Variants in OFD1 observed in about 807,000 individuals in gnomAD.
The protein encoded by OFD1 is OFD1 centriole and centriolar satellite protein.
Under a neutral mutation model 81.4 loss-of-function variants are expected in OFD1, and 12 were observed. The observed-to-expected ratio is 0.15, with a 90% confidence interval of 0.09 to 0.24. The LOEUF (loss-of-function observed/expected upper bound fraction) is 0.24. Ranked by LOEUF, OFD1 falls within the 10% of genes least tolerant of loss-of-function variation. OFD1 has a pLI of 1.00. For missense variants in OFD1, 685 were observed against 733.9 expected (o/e 0.93, Z 0.77); for synonymous variants, 256 against 263.7 (o/e 0.97, Z 0.28).
At chrX:13,725,372 C>T in the OFD1 span, among the ~76,000 whole-genome samples, 21 of 111,960 alleles carry the variant, frequency 1.9e-4, no homozygotes, top group Admixed American at 1.2e-3. Flanking sequence ...CTCATATAGG[C>T]GGGTGCCCCT....
At chrX:13,721,673 C>T in the OFD1 span, 1 of 110,225 alleles carries the variant, frequency 9.1e-6, no homozygotes, top group South Asian at 3.8e-4. Flanking sequence ...AATCAAGGCA[C>T]AGCTGGCACT....
At chrX:13,744,757 C>T (rs1447656156) in intron 6 of OFD1, among the ~76,000 whole-genome samples, 1 of 112,008 alleles carries the variant, frequency 8.9e-6, no homozygotes, top group Non-Finnish European at 1.9e-5. Context: ...ATTCAAAGGC[C>T]CATATTCTTC....
chrX:13,751,131 C>T, intron 9 of OFD1, 118 bp from the exon 10 acceptor site: 3 of 644,898 alleles, frequency 4.7e-6, no homozygotes, highest in Non-Finnish European at 7.3e-6. Flanking sequence ...TTCTACTTCC[C>T]AGTAGTGATA....
At chrX:13,729,666 T>C in the OFD1 span, among the ~76,000 whole-genome samples, 1 of 111,880 alleles carries the variant, frequency 8.9e-6, no homozygotes, top group Non-Finnish European at 1.9e-5. Flanking sequence ...CCCGGCACTT[T>C]GGGAGGCTGA....
At position 13,753,453 on chromosome X, in the gene OFD1, G is replaced by C. The variant is rs1475647646; in HGVS notation, c.1129+12G>C. 8.3e-7 allele frequency: 1 copy of C among 1,207,108 alleles called. No homozygotes were observed. Among genetic ancestry groups the C allele is most frequent in the Admixed American group, 2.2e-5 (1 of 45,976 alleles). On this transcript the variant is annotated intron_variant, in intron 11 of 22. Transcript: ENST00000340096. ...AAGGAAGAATAAAGGTGATGTTTGG[G>C]GGGAAAATAAGCTGTATTTTTCAGT...
At chrX:13,754,175 G>T (rs1437158807) in intron 11 of OFD1, among the ~76,000 whole-genome samples, 4 of 110,699 alleles carry the variant, frequency 3.6e-5, no homozygotes, top group African/African-American at 1.3e-4. Context: ...TAGAGGCGGG[G>T]TCTCAGCGTG....
At chrX:13,768,291 T>C in intron 21 of OFD1, 67 bp downstream of exon 21, 1 of 848,180 alleles carries the variant, frequency 1.2e-6, no homozygotes, top group African/African-American at 2.0e-5. Context: ...GCTTAACTTC[T>C]TGGGACGGGA....
At position 13,767,136 on chromosome X, in the gene OFD1, A is replaced by G. The variant is rs758641332; in HGVS notation, c.2609A>G (p.Gln870Arg). The G allele has an allele frequency of 3.5e-6, 4 of 1,154,851 alleles. No homozygotes were observed. The East Asian group carries it at 9.4e-5, about 27-fold the overall frequency. ...PLSYQHPSVDQKQIEEQKEEE... is the reference protein window; with the variant it reads ...PLSYQHPSVDRKQIEEQKEEE... The stretch of plus-strand genomic sequence containing the variant: ...TTTTCTGTCCTATTAGGTGTAGATC[A>G]GAAACAAATTGAAGAACAAAAGGAA... The change falls in exon 20 of 23, where the codon CAG becomes CGG. Residue 870 changes from glutamine to arginine, a missense_variant. Physicochemically the swap from Gln to Arg is conservative, Grantham distance 43 (BLOSUM62 1). Transcript: ENST00000340096.
upstream of OFD1, chrX:13,734,745 C>T (rs989530254): frequency 4.9e-6 from 5 of 1,027,863 alleles, no homozygotes; most frequent in African/African-American, 1.9e-5. Context: ...CGGAAGTTGC[C>T]GGACTGGCTG....
At chrX:13,736,294 G>C in intron 2 of OFD1, 184 bp from the exon 3 acceptor site, 1 of 1,053,021 alleles carries the variant, frequency 9.5e-7, no homozygotes, top group Non-Finnish European at 1.2e-6. Flanking sequence ...CTTGTCTCAC[G>C]GGGTAAGACA....
intron 9 of OFD1, among the ~76,000 whole-genome samples, chrX:13,750,391 G>A (rs1255071706): frequency 9.0e-6 from 1 of 111,609 alleles, no homozygotes; most frequent in Non-Finnish European, 1.9e-5. Context: ...ATTACCAGCA[G>A]AGGGAGCTAA....
chrX:13,725,714 C>T, the OFD1 span, among the ~76,000 whole-genome samples: 1 of 112,408 alleles, frequency 8.9e-6, no homozygotes, highest in Non-Finnish European at 1.9e-5. Context: ...CAAAGGATTG[C>T]AGCTCCTCGC....
downstream of OFD1, among the ~76,000 whole-genome samples, chrX:13,770,487 C>T (rs73451157): frequency 0.012 from 1,372 of 112,168 alleles, 20 homozygotes; most frequent in African/African-American, 0.042. Flanking sequence ...AAATAAAATC[C>T]TAAGTAACAT....
chrX:13,751,493 T>C (rs2047499453), intron 10 of OFD1, 125 bp downstream of exon 10: 1 of 550,953 alleles, frequency 1.8e-6, no homozygotes, highest in Non-Finnish European at 2.9e-6. Flanking sequence ...AAAACATAGT[T>C]TTATCGATAC....
chrX:13,724,825 C>T, the OFD1 span, among the ~76,000 whole-genome samples: 2 of 112,404 alleles, frequency 1.8e-5, no homozygotes, highest in Admixed American at 9.3e-5. Flanking sequence ...TGCAAGGGGT[C>T]GGGGGATTTC....
downstream of OFD1, chrX:13,771,525 G>A (rs1346544650): frequency 8.9e-6 from 1 of 111,891 alleles, no homozygotes; most frequent in African/African-American, 3.3e-5. Flanking sequence ...ATACATTTCT[G>A]CACATGTATG....
intron 8 of OFD1, among the ~76,000 whole-genome samples, 189 bp from the exon 9 acceptor site, chrX:13,749,238 T>C (rs1284095401): frequency 1.8e-5 from 2 of 111,385 alleles, no homozygotes; most frequent in Admixed American, 9.5e-5. Flanking sequence ...TTAACAGTCA[T>C]TGGGGGAGTA....
At chrX:13,758,618 C>T (rs1032094358) in intron 15 of OFD1, among the ~76,000 whole-genome samples, 170 bp downstream of exon 15, 3 of 111,777 alleles carry the variant, frequency 2.7e-5, no homozygotes, top group Middle Eastern at 4.2e-3. Context: ...GTAATACCAT[C>T]TGGATCATCA....
rs16979187 is a variant in OFD1 at position 13,763,655 on chromosome X, G to A, written c.2489-90G>A. 2,734 of 714,719 alleles carry A rather than the reference G, an allele frequency of 3.8e-3. 53 individuals carry two copies. In the African/African-American group the frequency reaches 0.049, roughly 13 times the overall value. 58.9% of individuals were successfully genotyped at this position (714,719 alleles called of 1,213,427 possible). A position where few individuals can be genotyped will look rare whatever the true frequency, so the allele number is the denominator to read the frequency against. ...CCCAGTTACTTTGGCTTCAGTTCCC[G>A]TGCTCCAGTCAGTTGCCCCCACACT... On this transcript the variant is annotated intron_variant, in intron 18 of 22. Coordinates refer to ENST00000340096, the MANE Select transcript of OFD1 (RefSeq NM_003611.3).
Sources: gnomAD v4.1 joint callset for allele counts (sites outside exome capture counted in the v4.1 genomes callset) on GRCh38, gnomAD v4.1.1 for gene constraint, MANE v1.5 for transcripts, NCBI Gene and HGNC (gene_info 2026-07-23, HGNC 2026-07-21) for gene names.